The following CBLN2 variants were observed in gnomAD, a reference collection of about 807,000 sequenced individuals.
CBLN2 encodes cerebellin-2.
A neutral mutation model predicts 15.0 loss-of-function variants in CBLN2; 7 were observed. The ratio of observed to expected loss-of-function variants is 0.47; its 90% confidence interval spans 0.27 to 0.88. The LOEUF (loss-of-function observed/expected upper bound fraction) is 0.88, where lower values mean the gene tolerates loss of function less well. CBLN2 is among the 40% of genes least tolerant of loss of function. CBLN2 has a pLI of 0.14. For missense variants in CBLN2, 242 were observed against 304.5 expected (o/e 0.79, Z 1.53); for synonymous variants, 149 against 135.2 (o/e 1.10, Z -0.71).
At chr18:72,590,218 T>C (rs1413386578) in intron 1 of CBLN2, among the ~76,000 whole-genome samples, 1 of 151,166 alleles carries the variant, frequency 6.6e-6, no homozygotes, top group East Asian at 2.0e-4. Flanking sequence ...TGAGCTGAGA[T>C]GGCGCCACTG....
intron 1 of CBLN2, among the ~76,000 whole-genome samples, chr18:72,554,125 G>A (rs1242446367): frequency 6.6e-6 from 1 of 152,042 alleles, no homozygotes; most frequent in Non-Finnish European, 1.5e-5. Context: ...ATATGATGAA[G>A]AATGTTTAAC....
rs1327046459 is a variant in CBLN2 at position 72,542,247 on chromosome 18, G to T, written c.-87C>A. ...GGGCGCGAAGGAACGCGCGGAGCTC[G>T]CAGCAGCCTCCGGGGGCCTTCGTCC... On this transcript the variant is annotated 5_prime_UTR_variant, in exon 3 of 5. Transcript: ENST00000269503. 3.3e-6 allele frequency: 3 copies of T among 903,916 alleles called. No homozygotes were observed. The highest frequency in any genetic ancestry group is 4.8e-5 in the Admixed American group (1 of 20,912). The allele number at this position is 903,916 out of a possible 1,614,324, so 56.0% of individuals were successfully genotyped here.
At position 72,538,284 on chromosome 18, in the gene CBLN2, C is replaced by A. The variant is rs1226215844; in HGVS notation, c.567G>T (p.Leu189=). The change falls in exon 5 of 5, where the codon CTG becomes CTT. Residue 189 remains leucine (L), a synonymous_variant. Coordinates refer to ENST00000269503, the MANE Select transcript of CBLN2 (RefSeq NM_182511.4). ...VTREAASNGV[L]LLMEREDKVH... ...CTTTGTCTTCCCTTTCCATGAGCAG[C>A]AGCACGCCATTGCTAGCAGCTTCTC... 6.2e-7 allele frequency: 1 copy of A among 1,614,186 alleles called. No individual in the cohort carries two copies. Among genetic ancestry groups the A allele is most frequent in the Admixed American group, 1.7e-5 (1 of 60,020 alleles).
At chr18:72,626,516 A>G (rs1185306932) in intron 1 of CBLN2, among the ~76,000 whole-genome samples, 4 of 152,100 alleles carry the variant, frequency 2.6e-5, no homozygotes, top group Admixed American at 2.0e-4. Flanking sequence ...CCTGGCCAAC[A>G]TGGTAAAACC....
intron 1 of CBLN2, among the ~76,000 whole-genome samples, chr18:72,602,781 G>A (rs1463744987): frequency 1.3e-4 from 20 of 152,142 alleles, no homozygotes; most frequent in Non-Finnish European, 4.4e-5. Context: ...GGAGTTTCCA[G>A]TCCAACAGTT....
upstream of CBLN2, among the ~76,000 whole-genome samples, chr18:72,546,176 G>A (rs377616193): frequency 3.3e-5 from 5 of 152,304 alleles, no homozygotes; most frequent in South Asian, 8.3e-4. Context: ...GGTGGTTCAC[G>A]CCTGTAATCC....
At chr18:72,568,725 T>A (rs2069312300) in intron 1 of CBLN2, among the ~76,000 whole-genome samples, 1 of 152,206 alleles carries the variant, frequency 6.6e-6, no homozygotes, top group African/African-American at 2.4e-5. Flanking sequence ...TGTGCATCCC[T>A]GTAAGACTCC....
At chr18:72,598,353 G>A (rs902828364) in intron 1 of CBLN2, among the ~76,000 whole-genome samples, 1 of 152,152 alleles carries the variant, frequency 6.6e-6, no homozygotes, top group Admixed American at 6.5e-5. Flanking sequence ...GGAAGCTAGG[G>A]TCTAGAATGA....
intron 1 of CBLN2, among the ~76,000 whole-genome samples, chr18:72,611,210 A>T (rs927384006): frequency 6.6e-6 from 1 of 152,190 alleles, no homozygotes; most frequent in Non-Finnish European, 1.5e-5. Context: ...ATATGAGTGC[A>T]TGTGTCTTCC....
chr18:72,558,719 C>T (rs2069241568), intron 1 of CBLN2, among the ~76,000 whole-genome samples: 1 of 152,128 alleles, frequency 6.6e-6, no homozygotes, highest in African/African-American at 2.4e-5. Context: ...TTGTAGGTAA[C>T]TTTATAAATA....
intron 1 of CBLN2, among the ~76,000 whole-genome samples, chr18:72,637,740 C>T (rs941317953): frequency 6.6e-6 from 1 of 152,212 alleles, no homozygotes; most frequent in Non-Finnish European, 1.5e-5. Flanking sequence ...AGGGGAACCC[C>T]CCATCCCACC....
rs1476111519 is a variant in CBLN2 at position 72,560,042 on chromosome 18, C to T, written c.16-21270G>A. Among the ~76,000 whole-genome samples the T allele has an allele frequency of 5.3e-5, 8 of 152,270 alleles. No individual in the cohort carries two copies. The South Asian group carries it at 1.7e-3, about 32-fold the overall frequency. ...TGAACCCAGGAAGGAGCTCATCAAA[C>T]AGGGAACAGGCAGAGGAGTTTGTGT... On this transcript the variant is annotated intron_variant, in intron 1 of 2. Coordinates refer to the CBLN2 transcript ENST00000581073.
chr18:72,608,844 A>G (rs1405345181), intron 1 of CBLN2, among the ~76,000 whole-genome samples: 1 of 152,178 alleles, frequency 6.6e-6, no homozygotes, highest in Non-Finnish European at 1.5e-5. Context: ...GAGACCTCAT[A>G]GTCATGGTGG....
At chr18:72,597,155 C>T (rs757811677) in intron 1 of CBLN2, among the ~76,000 whole-genome samples, 17 of 152,110 alleles carry the variant, frequency 1.1e-4, no homozygotes, top group South Asian at 1.0e-3. Context: ...CTGGGCTTGT[C>T]GGCACCCATC....
chr18:72,538,436 T>G, intron 4 of CBLN2, 63 bp from the exon 5 acceptor site: 2 of 1,569,470 alleles, frequency 1.3e-6, no homozygotes, highest in Non-Finnish European at 1.8e-6. Context: ...CACTGTTCTC[T>G]CCTTTGCCAA....
chr18:72,626,974 CA>C (rs1342539583), intron 1 of CBLN2, among the ~76,000 whole-genome samples: 1 of 152,180 alleles, frequency 6.6e-6, no homozygotes, highest in East Asian at 1.9e-4. Context: ...TATAAATGGA[CA>C]CATGCAGTGT....
At chr18:72,589,491 A>G (rs1046761154) in intron 1 of CBLN2, among the ~76,000 whole-genome samples, 10 of 152,198 alleles carry the variant, frequency 6.6e-5, no homozygotes, top group African/African-American at 2.4e-4. Context: ...GGCTGTGGTT[A>G]AACTCAATCT....
chr18:72,549,237 C>T (rs2069177365), upstream of CBLN2, among the ~76,000 whole-genome samples: 1 of 152,094 alleles, frequency 6.6e-6, no homozygotes, highest in African/African-American at 2.4e-5. Flanking sequence ...GTCTGGAGGT[C>T]CTGACCTCAA....
chr18:72,600,906 C>T (rs1337197175), intron 1 of CBLN2, among the ~76,000 whole-genome samples: 2 of 152,116 alleles, frequency 1.3e-5, no homozygotes, highest in African/African-American at 4.8e-5. Flanking sequence ...TGTTGAGTCA[C>T]AAGTCAGGGG....
Sources: gnomAD v4.1 joint callset for allele counts (sites outside exome capture counted in the v4.1 genomes callset) on GRCh38, gnomAD v4.1.1 for gene constraint, MANE v1.5 for transcripts, NCBI Gene and HGNC (gene_info 2026-07-23, HGNC 2026-07-21) for gene names.